The following PTPRD variants were observed in gnomAD, a reference collection of about 807,000 sequenced individuals.
PTPRD encodes receptor-type tyrosine-protein phosphatase delta.
PTPRD carries 34 observed loss-of-function variants against 214.5 expected under a neutral mutation model. The observed-to-expected ratio is 0.16, with a 90% CI of 0.12 to 0.21. The LOEUF is 0.21. Among genes scored for constraint, PTPRD ranks in the 10% least tolerant of loss-of-function variants. The probability of loss-of-function intolerance (pLI) is 1.00; values close to 1 mark genes in which losing one functional copy is unlikely to be tolerated. For synonymous variants in PTPRD, 1,128 were observed against 845.7 expected, an observed-to-expected ratio of 1.33 and a Z score of -5.79; for missense variants, 2,545 against 2,398.7, an observed-to-expected ratio of 1.06 and a Z score of -1.27.
chr9:9,484,092 A>G (rs950996190), intron 8 of PTPRD, among the ~76,000 whole-genome samples: 5 of 151,970 alleles, frequency 3.3e-5, no homozygotes, highest in African/African-American at 9.7e-5. Flanking sequence ...AAAATCTTTA[A>G]GAATTGGAAA....
chr9:8,784,976 A>C (rs1356367095), intron 11 of PTPRD, among the ~76,000 whole-genome samples: 1 of 152,188 alleles, frequency 6.6e-6, no homozygotes, highest in African/African-American at 2.4e-5. Context: ...GGACTCCGAG[A>C]GCACCATTAC....
At chr9:10,238,126 A>C (rs2099635088) in intron 3 of PTPRD, among the ~76,000 whole-genome samples, 1 of 151,760 alleles carries the variant, frequency 6.6e-6, no homozygotes, top group Non-Finnish European at 1.5e-5. Flanking sequence ...AGTTGTTTTA[A>C]TGTTAGTGTG....
At chr9:8,674,739 G>C (rs1406992747) in intron 12 of PTPRD, among the ~76,000 whole-genome samples, 2 of 152,072 alleles carry the variant, frequency 1.3e-5, no homozygotes, top group East Asian at 1.9e-4. Flanking sequence ...TATGATTAAG[G>C]TACATTCAGA....
rs538876069 is a variant in PTPRD, at chr9:10,057,564, AG to A, written c.-544-23775del. On this transcript the variant is annotated intron_variant, in intron 3 of 45. Transcript: ENST00000381196. Reference sequence around the variant, plus strand: ...GTTGCTTAATATCAGTAAGATTAAAAGGTAAGTAGTGTGGCTCACGCCTGTA... The same window carrying A: ...GTTGCTTAATATCAGTAAGATTAAAAGTAAGTAGTGTGGCTCACGCCTGTA... Among the ~76,000 whole-genome samples the A allele has an allele frequency of 7.6e-3, 1,149 of 152,184 alleles. 10 individuals are homozygous for A. Among genetic ancestry groups the A allele is most frequent in the Non-Finnish European group, 0.012 (793 of 67,974 alleles).
chr9:8,590,341 C>CTTA (rs2094002560), intron 14 of PTPRD, among the ~76,000 whole-genome samples: 2 of 152,186 alleles, frequency 1.3e-5, no homozygotes, highest in South Asian at 4.1e-4. Flanking sequence ...AAGTTAATTA[C>CTTA]GTCTTCCAAG....
chr9:8,449,897 A>G, intron 33 of PTPRD, 60 bp from the exon 34 acceptor site: 1 of 1,541,038 alleles, frequency 6.5e-7, no homozygotes, highest in Non-Finnish European at 8.9e-7. Flanking sequence ...CAGATAGAAA[A>G]GCAGAGAATT....
chr9:9,019,326 AAG>A (rs2099552645), intron 10 of PTPRD, among the ~76,000 whole-genome samples: 1 of 62,542 alleles, frequency 1.6e-5, no homozygotes, highest in South Asian at 5.8e-4. Context: ...GAAAGAAAGA[AAG>A]AAAGAAAGAA....
chr9:8,908,972 T>A (rs1314593482), intron 11 of PTPRD, among the ~76,000 whole-genome samples: 1 of 150,008 alleles, frequency 6.7e-6, no homozygotes, highest in Non-Finnish European at 1.5e-5. Context: ...TAATTATGTA[T>A]AATTACATAT....
At chr9:10,105,472 G>A (rs897889699) in intron 3 of PTPRD, among the ~76,000 whole-genome samples, 1 of 151,780 alleles carries the variant, frequency 6.6e-6, no homozygotes, top group Non-Finnish European at 1.5e-5. Flanking sequence ...AGGTAAGAAA[G>A]CATGATTCTT....
intron 14 of PTPRD, among the ~76,000 whole-genome samples, chr9:8,576,096 T>C (rs1594291353): frequency 6.6e-6 from 1 of 152,256 alleles, no homozygotes; most frequent in South Asian, 2.1e-4. Context: ...AAACTGTTTA[T>C]CTATCCTTAT....
intron 2 of PTPRD, among the ~76,000 whole-genome samples, chr9:10,514,924 A>G (rs933477153): frequency 2.0e-5 from 3 of 152,030 alleles, no homozygotes; most frequent in African/African-American, 7.2e-5. Context: ...GAACCAGGGT[A>G]AAAAGATGGA....
chr9:9,675,915 T>A (rs918054058), intron 7 of PTPRD, among the ~76,000 whole-genome samples: 7 of 151,990 alleles, frequency 4.6e-5, no homozygotes, highest in Non-Finnish European at 8.8e-5. Flanking sequence ...ATGTAAAAAT[T>A]CCAATCAAAA....
intron 5 of PTPRD, among the ~76,000 whole-genome samples, chr9:9,782,090 C>A (rs775067759): frequency 1.3e-5 from 2 of 152,084 alleles, no homozygotes; most frequent in Non-Finnish European, 2.9e-5. Context: ...CGCACCCGGC[C>A]TTTGGACTCA....
At chr9:10,089,755 G>A (rs961066108) in intron 3 of PTPRD, among the ~76,000 whole-genome samples, 2 of 151,530 alleles carry the variant, frequency 1.3e-5, no homozygotes, top group South Asian at 2.1e-4. Flanking sequence ...ATTGTACTCT[G>A]GCCAAATTCT....
intron 11 of PTPRD, among the ~76,000 whole-genome samples, chr9:8,811,251 G>C (rs989016804): frequency 5.3e-5 from 8 of 152,006 alleles, no homozygotes; most frequent in African/African-American, 1.9e-4. Context: ...CAACTTCCCA[G>C]TACCAATCCT....
chr9:8,450,482 T>A (rs1252382498), intron 33 of PTPRD, among the ~76,000 whole-genome samples: 3 of 152,104 alleles, frequency 2.0e-5, no homozygotes, highest in African/African-American at 7.2e-5. Context: ...AAGCTAACTG[T>A]GATTAATATT....
chr9:8,373,752 T>G (rs2082256325), intron 39 of PTPRD, among the ~76,000 whole-genome samples: 1 of 151,696 alleles, frequency 6.6e-6, no homozygotes, highest in Non-Finnish European at 1.5e-5. Context: ...GTGCCTAGCA[T>G]GAAACCCATA....
chr9:9,577,884 A>G (rs984050769), intron 7 of PTPRD, among the ~76,000 whole-genome samples: 4 of 151,782 alleles, frequency 2.6e-5, no homozygotes, highest in Non-Finnish European at 4.4e-5. Context: ...CTTCTCTTCT[A>G]AACATACAAA....
At chr9:9,043,644 C>A (rs1284713481) in intron 10 of PTPRD, among the ~76,000 whole-genome samples, 2 of 152,126 alleles carry the variant, frequency 1.3e-5, no homozygotes, top group Non-Finnish European at 2.9e-5. Context: ...TGGCTCACAC[C>A]TGTAATCCCA....
Sources: gnomAD v4.1 joint callset for allele counts (sites outside exome capture counted in the v4.1 genomes callset) on GRCh38, gnomAD v4.1.1 for gene constraint, MANE v1.5 for transcripts, NCBI Gene and HGNC (gene_info 2026-07-23, HGNC 2026-07-21) for gene names.